MDGA2: variants seen among roughly 807,000 people sequenced by gnomAD.
MDGA2 encodes MAM domain containing glycosylphosphatidylinositol anchor 2, also known as MAM domain-containing glycosylphosphatidylinositol anchor protein 2.
MDGA2 carries 40 observed loss-of-function variants against 117.8 expected under a neutral mutation model. The observed-to-expected ratio is 0.34, with a 90% CI of 0.26 to 0.44. MDGA2 has a LOEUF of 0.44. Ranked by LOEUF, MDGA2 falls within the 20% of genes least tolerant of loss-of-function variation. The probability of loss-of-function intolerance (pLI) is 1.00; values close to 1 mark genes in which losing one functional copy is unlikely to be tolerated. For synonymous variants in MDGA2, 452 were observed against 439.0 expected (o/e 1.03, Z -0.37); for missense variants, 1,123 against 1,250.6 (o/e 0.90, Z 1.54).
chr14:47,294,005 G>A (rs948804121), intron 2 of MDGA2, among the ~76,000 whole-genome samples: 15 of 151,090 alleles, frequency 9.9e-5, no homozygotes, highest in African/African-American at 3.2e-4. Context: ...ATTTATTCAT[G>A]TAACCATGAA....
At position 47,053,627 on chromosome 14, in the gene MDGA2, A is replaced by G. The variant is rs1294974419; in HGVS notation, c.1525+7622T>C. Among the ~76,000 whole-genome samples, 217 of 92,130 alleles carry G rather than the reference A, an allele frequency of 2.4e-3. 4 individuals carry two copies. The highest frequency in any genetic ancestry group is 0.017 in the East Asian group (50 of 2,924). The allele number at this position is 92,130 out of a possible 152,430, so 60.4% of individuals were successfully genotyped here. A position where few individuals can be genotyped will look rare whatever the true frequency, so the allele number is the denominator to read the frequency against. On this transcript the variant is annotated intron_variant, in intron 7 of 16. Transcript: ENST00000399232. ...TATATATATATATATATATATATAT[A>G]TATATATATATATATATATATATAT...
chr14:47,666,915 A>G (rs1265247289), intron 1 of MDGA2, among the ~76,000 whole-genome samples: 7 of 151,820 alleles, frequency 4.6e-5, no homozygotes, highest in Admixed American at 4.6e-4. Context: ...AGCTGTTAAC[A>G]CTCACTGCGA....
chr14:46,992,089 A>G (rs1887112885), intron 8 of MDGA2, among the ~76,000 whole-genome samples: 1 of 152,146 alleles, frequency 6.6e-6, no homozygotes, highest in Admixed American at 6.6e-5. Context: ...TCAAAAGATC[A>G]AAACTAGCAG....
At chr14:47,233,040 C>T (rs1054421592) in intron 2 of MDGA2, among the ~76,000 whole-genome samples, 10 of 152,092 alleles carry the variant, frequency 6.6e-5, no homozygotes, top group Admixed American at 5.9e-4. Flanking sequence ...AAAGTAACTG[C>T]TATTATAAAA....
intron 5 of MDGA2, among the ~76,000 whole-genome samples, chr14:47,131,406 A>C (rs1443709216): frequency 6.6e-6 from 1 of 152,018 alleles, no homozygotes; most frequent in Admixed American, 6.6e-5. Flanking sequence ...TTATATGTAG[A>C]ATCTAGTATT....
At chr14:47,227,132 T>C (rs866467254) in intron 2 of MDGA2, among the ~76,000 whole-genome samples, 11 of 152,178 alleles carry the variant, frequency 7.2e-5, no homozygotes, top group Non-Finnish European at 1.5e-4. Context: ...AGGTGTTCTG[T>C]CTGATTCCCT....
intron 1 of MDGA2, among the ~76,000 whole-genome samples, chr14:47,359,000 A>G (rs1034403978): frequency 6.6e-6 from 1 of 152,238 alleles, no homozygotes; most frequent in Non-Finnish European, 1.5e-5. Context: ...AAAGACTTCA[A>G]GTAGCCAAAG....
At chr14:47,302,453 C>A (rs1889315027) in intron 1 of MDGA2, among the ~76,000 whole-genome samples, 1 of 152,060 alleles carries the variant, frequency 6.6e-6, no homozygotes, top group African/African-American at 2.4e-5. Context: ...AGAGAATGAT[C>A]ATTTCAGTTA....
At chr14:46,922,739 C>CAA in intron 9 of MDGA2, among the ~76,000 whole-genome samples, 1 of 152,212 alleles carries the variant, frequency 6.6e-6, no homozygotes, top group East Asian at 1.9e-4. Context: ...GTCTATATAA[C>CAA]AAAAGATGTA....
chr14:47,441,475 AT>A (rs1566458423), intron 1 of MDGA2, among the ~76,000 whole-genome samples: 2 of 152,170 alleles, frequency 1.3e-5, no homozygotes, highest in African/African-American at 2.4e-5. Context: ...AAGTAAAGCA[AT>A]TTTTTAAACA....
intron 1 of MDGA2, among the ~76,000 whole-genome samples, chr14:47,659,065 G>T (rs1897797510): frequency 6.6e-6 from 1 of 152,112 alleles, no homozygotes. Flanking sequence ...CCTATGACAT[G>T]AACACACTGC....
intron 8 of MDGA2, among the ~76,000 whole-genome samples, chr14:46,974,189 T>C (rs1037945736): frequency 1.3e-5 from 2 of 152,140 alleles, no homozygotes; most frequent in Non-Finnish European, 2.9e-5. Context: ...AAAGGACATG[T>C]GCAATGGAAA....
At chr14:46,869,889 A>C (rs902273335) in intron 14 of MDGA2, among the ~76,000 whole-genome samples, 6 of 151,974 alleles carry the variant, frequency 3.9e-5, no homozygotes, top group African/African-American at 1.4e-4. Context: ...GCAAGAAATC[A>C]GTATCTATAG....
chr14:47,399,051 C>A (rs567314350), intron 1 of MDGA2, among the ~76,000 whole-genome samples: 3 of 152,220 alleles, frequency 2.0e-5, no homozygotes, highest in African/African-American at 2.4e-5. Flanking sequence ...ATTTGATGAG[C>A]CCTCTGCCTC....
chr14:47,608,956 A>G (rs1896789632), intron 1 of MDGA2, among the ~76,000 whole-genome samples: 1 of 152,112 alleles, frequency 6.6e-6, no homozygotes, highest in Non-Finnish European at 1.5e-5. Flanking sequence ...TTTTGACCTG[A>G]GCAACTAAAA....
intron 2 of MDGA2, among the ~76,000 whole-genome samples, chr14:47,243,527 T>C (rs1032259599): frequency 3.3e-5 from 5 of 151,496 alleles, no homozygotes; most frequent in Non-Finnish European, 5.9e-5. Flanking sequence ...GATCTGCAGC[T>C]TCACTCCTGA....
chr14:47,435,945 A>G lies in MDGA2; in HGVS notation c.281-134395T>C, dbSNP rs149560391. Among the ~76,000 whole-genome samples, 16 of 152,112 alleles carry G rather than the reference A, an allele frequency of 1.1e-4. No individual in the cohort carries two copies. The East Asian group carries it at 3.1e-3, about 30-fold the overall frequency. ...ATCTACATTGTTTCCAACTGACCTA[A>G]AATCATGGGCTTTTTTCTGGGGCTC... On this transcript the variant is annotated intron_variant, in intron 1 of 16. Coordinates refer to ENST00000399232, the MANE Select transcript of MDGA2 (RefSeq NM_001113498.3).
At chr14:47,362,885 C>T (rs114761181) in intron 1 of MDGA2, among the ~76,000 whole-genome samples, 6,020 of 152,266 alleles carry the variant, frequency 0.04, 163 homozygotes, top group African/African-American at 0.073. Flanking sequence ...TCAGTAAAAT[C>T]TCATTCCGTA....
At chr14:47,176,354 G>T (rs565431625) in intron 3 of MDGA2, among the ~76,000 whole-genome samples, 1 of 152,238 alleles carries the variant, frequency 6.6e-6, no homozygotes, top group African/African-American at 2.4e-5. Flanking sequence ...TCAATCCTAA[G>T]CCAAAAGAAC....
Sources: allele counts gnomAD v4.1 joint callset (sites outside exome capture counted in the v4.1 genomes callset), GRCh38; gene constraint gnomAD v4.1.1; transcripts MANE v1.5; gene names NCBI Gene and HGNC (gene_info 2026-07-23, HGNC 2026-07-21).